BCHE: variants seen among roughly 807,000 people sequenced by gnomAD.
The protein encoded by BCHE is butyrylcholinesterase, also known as cholinesterase.
A neutral mutation model predicts 51.3 loss-of-function variants in BCHE; 48 were observed. The ratio of observed to expected loss-of-function variants is 0.94; its 90% CI spans 0.74 to 1.19. The LOEUF is 1.19. BCHE is among the 50% of genes most tolerant of loss of function. The pLI, the probability that BCHE is intolerant of heterozygous loss-of-function variation, is 0.00. For synonymous variants in BCHE, 251 were observed against 238.0 expected, an observed-to-expected ratio of 1.05 and a Z score of -0.50; for missense variants, 847 against 708.2, an observed-to-expected ratio of 1.20 and a Z score of -2.23.
At chr3:165,834,690 G>T (rs1489543867) in intron 1 of BCHE, among the ~76,000 whole-genome samples, 2 of 151,774 alleles carry the variant, frequency 1.3e-5, no homozygotes, top group African/African-American at 4.8e-5. Flanking sequence ...AATCGAAAGA[G>T]AAATAAATGA....
intron 2 of BCHE, among the ~76,000 whole-genome samples, chr3:165,796,727 AC>A (rs1713392569): frequency 6.6e-6 from 1 of 152,138 alleles, no homozygotes; most frequent in African/African-American, 2.4e-5. Context: ...TGTGTACTTA[AC>A]CCACTCTCCT....
chr3:165,802,055 C>T (rs1471390001), intron 2 of BCHE, among the ~76,000 whole-genome samples: 1 of 152,128 alleles, frequency 6.6e-6, no homozygotes, highest in African/African-American at 2.4e-5. Context: ...CATTAATGTC[C>T]CCAACTTGCT....
At chr3:165,782,288 G>T (rs1712738038) in intron 3 of BCHE, among the ~76,000 whole-genome samples, 1 of 152,052 alleles carries the variant, frequency 6.6e-6, no homozygotes, top group Non-Finnish European at 1.5e-5. Flanking sequence ...TGTTGTGATT[G>T]TAAAACAGAG....
At chr3:165,786,667 C>T (rs1485961486) in intron 2 of BCHE, among the ~76,000 whole-genome samples, 2 of 151,646 alleles carry the variant, frequency 1.3e-5, no homozygotes, top group African/African-American at 4.8e-5. Context: ...TTATCCTAGG[C>T]CCAAAAATTT....
chr3:165,799,861 G>A (rs1333820865), intron 2 of BCHE, among the ~76,000 whole-genome samples: 2 of 151,924 alleles, frequency 1.3e-5, no homozygotes, highest in Non-Finnish European at 2.9e-5. Context: ...ATAAAGATAT[G>A]TGTGCTACCT....
At chr3:165,828,489 T>C (rs1386536614) in intron 2 of BCHE, among the ~76,000 whole-genome samples, 1 of 152,068 alleles carries the variant, frequency 6.6e-6, no homozygotes. Flanking sequence ...TAACATGAAA[T>C]ACAAAGAATT....
chr3:165,821,355 A>G (rs974306034), intron 2 of BCHE, among the ~76,000 whole-genome samples: 1 of 151,884 alleles, frequency 6.6e-6, no homozygotes, highest in African/African-American at 2.4e-5. Flanking sequence ...AGAATGAAGT[A>G]GCACGATTTC....
intron 2 of BCHE, among the ~76,000 whole-genome samples, chr3:165,793,160 G>A (rs1488678750): frequency 6.6e-6 from 1 of 152,028 alleles, no homozygotes; most frequent in Non-Finnish European, 1.5e-5. Flanking sequence ...TATGGCTTTA[G>A]GTCTTAAGCT....
At chr3:165,836,231 C>G (rs73167010) in intron 1 of BCHE, among the ~76,000 whole-genome samples, 1,565 of 151,962 alleles carry the variant, frequency 0.01, 10 homozygotes, top group Non-Finnish European at 0.018. Flanking sequence ...TATTTTATAT[C>G]CAGAGAAAAT....
At chr3:165,786,900 A>G (rs1037470341) in intron 2 of BCHE, among the ~76,000 whole-genome samples, 11 of 151,948 alleles carry the variant, frequency 7.2e-5, no homozygotes, top group Non-Finnish European at 1.5e-4. Context: ...AAGTGGTTTC[A>G]TATTAAGGTT....
At chr3:165,824,066 C>A (rs2108230519) in intron 2 of BCHE, among the ~76,000 whole-genome samples, 1 of 151,870 alleles carries the variant, frequency 6.6e-6, no homozygotes, top group South Asian at 2.1e-4. Flanking sequence ...CATGAACCAC[C>A]ATGTTCAGCC....
chr3:165,774,503 T>C (rs1340829953), intron 3 of BCHE, among the ~76,000 whole-genome samples: 6 of 151,942 alleles, frequency 3.9e-5, no homozygotes, highest in African/African-American at 1.5e-4. Context: ...GTTTGGCTAA[T>C]TTTTGTACTT....
intron 2 of BCHE, among the ~76,000 whole-genome samples, chr3:165,788,637 T>G (rs1344391896): frequency 6.6e-6 from 1 of 152,150 alleles, no homozygotes; most frequent in Admixed American, 6.5e-5. Context: ...TTGTCCAGTT[T>G]TCTTCTAATT....
At position 165,826,140 on chromosome 3, in the gene BCHE, T is replaced by C. The variant is rs142721030; in HGVS notation, c.1517+3377A>G. 5.3e-5 allele frequency among the ~76,000 whole-genome samples: 8 copies of C among 152,208 alleles called. No homozygotes were observed. In the East Asian group the frequency reaches 1.4e-3, roughly 26 times the overall value. ...CTTATATGTGTTCCTGCAATTCCTC[T>C]CACTTTTTACTCAAAATAAGAGAAA... On this transcript the variant is annotated intron_variant, in intron 2 of 3. Transcript: ENST00000264381.
At chr3:165,777,970 T>C (rs1712538562) in intron 3 of BCHE, among the ~76,000 whole-genome samples, 1 of 152,070 alleles carries the variant, frequency 6.6e-6, no homozygotes, top group South Asian at 2.1e-4. Context: ...TAATCAAATG[T>C]TTACATTATT....
At chr3:165,819,838 T>A (rs190401136) in intron 2 of BCHE, among the ~76,000 whole-genome samples, 126 of 152,288 alleles carry the variant, frequency 8.3e-4, no homozygotes, top group African/African-American at 2.9e-3. Context: ...CTATGTTTTG[T>A]TACTTTGCAA....
At chr3:165,798,334 A>G (rs1051501997) in intron 2 of BCHE, among the ~76,000 whole-genome samples, 2 of 152,068 alleles carry the variant, frequency 1.3e-5, no homozygotes, top group South Asian at 2.1e-4. Context: ...GTTGGCTAAG[A>G]TATTTTGAGG....
intron 3 of BCHE, chr3:165,778,190 C>G (rs1252148965): frequency 6.6e-6 from 1 of 152,064 alleles, no homozygotes; most frequent in Non-Finnish European, 1.5e-5. Context: ...TACTTTTACA[C>G]TAAAACAAGA....
chr3:165,804,560 T>C (rs1375142035), intron 2 of BCHE, among the ~76,000 whole-genome samples: 1 of 151,812 alleles, frequency 6.6e-6, no homozygotes, highest in African/African-American at 2.4e-5. Flanking sequence ...TGGAGGGAGG[T>C]AGAGAGGACT....
Sources: gnomAD v4.1 joint callset for allele counts (sites outside exome capture counted in the v4.1 genomes callset) on GRCh38, gnomAD v4.1.1 for gene constraint, MANE v1.5 for transcripts, NCBI Gene and HGNC (gene_info 2026-07-23, HGNC 2026-07-21) for gene names.